OR51B5: variants seen among roughly 807,000 people sequenced by gnomAD.
The protein encoded by OR51B5 is olfactory receptor family 51 subfamily B member 5.
For synonymous variants in OR51B5, 186 were observed against 144.8 expected (o/e 1.28, Z -2.04); for missense variants, 456 against 374.6 (o/e 1.22, Z -1.79).
chr11:5,452,163 A>G (rs1850862625), intron 1 of OR51B5, among the ~76,000 whole-genome samples: 1 of 152,060 alleles, frequency 6.6e-6, no homozygotes, highest in Non-Finnish European at 1.5e-5. Flanking sequence ...CATATATGTC[A>G]GTGCAGACTG....
chr11:5,430,650 G>A (rs1206384406), intron 1 of OR51B5: 3 of 451,516 alleles, frequency 6.6e-6, no homozygotes, highest in Non-Finnish European at 1.3e-5. Context: ...TCCTTGCAGT[G>A]ATTCAGAGCA....
intron 1 of OR51B5, chr11:5,488,580 T>C: frequency 1.3e-6 from 1 of 742,820 alleles, no homozygotes; most frequent in Middle Eastern, 3.5e-4. Context: ...GAAAAACAAA[T>C]TTTTTTAGTC....
chr11:5,402,119 T>C (rs1022277883), intron 1 of OR51B5, among the ~76,000 whole-genome samples: 7 of 151,952 alleles, frequency 4.6e-5, no homozygotes, highest in African/African-American at 1.5e-4. Context: ...CCAAGTGATC[T>C]TCCCACCTCA....
intron 1 of OR51B5, among the ~76,000 whole-genome samples, chr11:5,462,805 A>C (rs1166217461): frequency 6.6e-6 from 1 of 152,222 alleles, no homozygotes; most frequent in Non-Finnish European, 1.5e-5. Flanking sequence ...ACATTTGAAC[A>C]CAGGCAACCA....
At chr11:5,364,175 G>A (rs560682405) in intron 1 of OR51B5, among the ~76,000 whole-genome samples, 38 of 152,120 alleles carry the variant, frequency 2.5e-4, no homozygotes, top group Admixed American at 1.2e-3. Context: ...GACCACCTAA[G>A]GGCAAAATAT....
chr11:5,488,199 G>C (rs1851524343), intron 1 of OR51B5, among the ~76,000 whole-genome samples: 1 of 152,074 alleles, frequency 6.6e-6, no homozygotes, highest in African/African-American at 2.4e-5. Flanking sequence ...GTAAGATAGT[G>C]GAAGTAGGAA....
intron 1 of OR51B5, among the ~76,000 whole-genome samples, chr11:5,396,054 T>C (rs192010227): frequency 6.6e-6 from 1 of 152,300 alleles, no homozygotes; most frequent in East Asian, 1.9e-4. Flanking sequence ...CTTTGCACAA[T>C]CATAGAGTGA....
intron 1 of OR51B5, among the ~76,000 whole-genome samples, chr11:5,353,289 TA>T (rs1849132320): frequency 1.3e-5 from 2 of 152,170 alleles, no homozygotes; most frequent in Non-Finnish European, 2.9e-5. Context: ...AAAACAGAGA[TA>T]TAATTTCTAA....
intron 1 of OR51B5, among the ~76,000 whole-genome samples, chr11:5,394,923 G>T (rs1849844658): frequency 6.6e-6 from 1 of 152,174 alleles, no homozygotes; most frequent in Non-Finnish European, 1.5e-5. Context: ...CTACCTGGTT[G>T]TAAAGACTGT....
rs546118192 is a variant in OR51B5, at chr11:5,427,564, T to A, written n.84+78005A>T. 8.5e-5 allele frequency among the ~76,000 whole-genome samples: 13 copies of A among 152,108 alleles called. No individual in the cohort carries two copies. The South Asian group carries it at 2.3e-3, about 27-fold the overall frequency. On this transcript the variant is annotated intron_variant and non_coding_transcript_variant, in intron 1 of 4. Coordinates refer to the OR51B5 transcript ENST00000415970. ...ATGCACAGTTTAGTATGCTGACATA[T>A]TTTTTTTGCTCTGTAAGCTAGGAGC... is the stretch of plus-strand genomic sequence containing the variant.
At chr11:5,431,407 A>C (rs1288043278) in intron 1 of OR51B5, 3 of 238,530 alleles carry the variant, frequency 1.3e-5, no homozygotes, top group East Asian at 9.3e-5. Context: ...GCCAACATGG[A>C]GAGAAATAAG....
At chr11:5,439,961 G>A (rs1850651468) in intron 1 of OR51B5, among the ~76,000 whole-genome samples, 1 of 152,132 alleles carries the variant, frequency 6.6e-6, no homozygotes, top group Non-Finnish European at 1.5e-5. Flanking sequence ...TGTTCTAAAC[G>A]TTTCTGCCTA....
rs751641190 is a variant in OR51B5 at position 5,453,954 on chromosome 11, C to G, written n.84+51615G>C. The G allele has an allele frequency of 3.1e-6, 5 of 1,613,996 alleles. No homozygotes were observed. The African/African-American group carries it at 4.0e-5, about 13-fold the overall frequency. On this transcript the variant is annotated intron_variant and non_coding_transcript_variant, in intron 1 of 4. Transcript: ENST00000415970. ...TGCAGCTGCTCGAAGCTTCATCACC[C>G]TTTTCCCTCTTCCCTTTCTTATTAA... is the stretch of plus-strand genomic sequence containing the variant.
chr11:5,456,683 G>A (rs1850965705), intron 1 of OR51B5, among the ~76,000 whole-genome samples: 1 of 152,116 alleles, frequency 6.6e-6, no homozygotes, highest in Non-Finnish European at 1.5e-5. Flanking sequence ...TGTCACCGGG[G>A]TTTGGTGGAC....
chr11:5,348,555 G>A (rs1182437484), intron 1 of OR51B5, among the ~76,000 whole-genome samples: 2 of 152,094 alleles, frequency 1.3e-5, no homozygotes, highest in African/African-American at 2.4e-5. Flanking sequence ...ACGGAGCTTG[G>A]GTTATGTGTG....
chr11:5,404,931 A>G (rs12274081), intron 1 of OR51B5, among the ~76,000 whole-genome samples: 24,528 of 152,082 alleles, frequency 0.16, 2,459 homozygotes, highest in African/African-American at 0.29. Flanking sequence ...ATCTGAAGGA[A>G]CAAACTCTGG....
At chr11:5,366,158 G>T (rs1036786326) in intron 1 of OR51B5, among the ~76,000 whole-genome samples, 1 of 152,168 alleles carries the variant, frequency 6.6e-6, no homozygotes, top group Non-Finnish European at 1.5e-5. Flanking sequence ...AACAGTATGT[G>T]AAGAGGATAG....
chr11:5,436,120 G>C (rs533154554), intron 1 of OR51B5, among the ~76,000 whole-genome samples: 1 of 152,272 alleles, frequency 6.6e-6, no homozygotes, highest in East Asian at 1.9e-4. Flanking sequence ...CACGCAAAAA[G>C]TAAAGGGAAT....
At position 5,358,944 on chromosome 11, in the gene OR51B5, C is replaced by A. The variant is rs1849236456; in HGVS notation, n.85-12034G>T. Among the ~76,000 whole-genome samples, 5 of 151,510 alleles carry A rather than the reference C, an allele frequency of 3.3e-5. No homozygotes were observed. The South Asian group carries it at 1.0e-3, about 32-fold the overall frequency. On this transcript the variant is annotated intron_variant and non_coding_transcript_variant, in intron 1 of 4. Transcript: ENST00000415970. ...AAAGGCCTTTGACAAAATTCAACAACCCTTCATGCTAAAAACTCTCAATAA... is the reference window on the plus strand; with the variant it reads ...AAAGGCCTTTGACAAAATTCAACAAACCTTCATGCTAAAAACTCTCAATAA...
Sources: allele counts gnomAD v4.1 joint callset (sites outside exome capture counted in the v4.1 genomes callset), GRCh38; gene constraint gnomAD v4.1.1; transcripts MANE v1.5; gene names NCBI Gene and HGNC (gene_info 2026-07-23, HGNC 2026-07-21).